FREM1: variants seen among roughly 807,000 people sequenced by gnomAD.
The protein encoded by FREM1 is FRAS1 related extracellular matrix 1, also known as FRAS1-related extracellular matrix protein 1.
FREM1 carries 220 observed loss-of-function variants against 210.1 expected under a neutral mutation model. The ratio of observed to expected loss-of-function variants is 1.05; its 90% confidence interval spans 0.94 to 1.17. FREM1 has a LOEUF of 1.17. Ranked by LOEUF, FREM1 falls within the 50% of genes most tolerant of loss-of-function variation. FREM1 has a pLI of 0.00. For synonymous variants in FREM1, 1,189 were observed against 980.2 expected (o/e 1.21, Z -3.98); for missense variants, 3,454 against 2,675.5 (o/e 1.29, Z -6.42).
At chr9:14,777,525 A>G (rs562048672) in intron 24 of FREM1, among the ~76,000 whole-genome samples, 10 of 152,172 alleles carry the variant, frequency 6.6e-5, no homozygotes, top group African/African-American at 2.4e-4. Context: ...TAGAGGATGC[A>G]CTCTTCTATT....
Position 14,813,013 on chromosome 9 carries a change from C to G in FREM1, c.2692G>C (p.Val898Leu), listed in dbSNP as rs879532990. The change falls in exon 16 of 37, where the codon GTC (valine) becomes CTC (leucine). Residue 898 changes from valine to leucine, a missense_variant. By Grantham distance (32) the Val-to-Leu change is conservative. Coordinates refer to ENST00000380880, the MANE Select transcript of FREM1 (RefSeq NM_001379081.2). ...TCTCCTCCCTCTGAGCAATTCATGA[C>G]AGGCATGAGGTCAGCCTTTAAGACT... ...PPVLKADLMP[V>L]MNCSEGGEVV... 3.1e-6 allele frequency: 5 copies of G among 1,613,878 alleles called. No homozygotes were observed. The Admixed American group carries it at 8.3e-5, about 27-fold the overall frequency.
At chr9:14,831,364 C>G (rs1823526193) in intron 10 of FREM1, among the ~76,000 whole-genome samples, 2 of 152,186 alleles carry the variant, frequency 1.3e-5, no homozygotes, top group South Asian at 4.1e-4. Context: ...ACTTCTCTGG[C>G]GAGCACATGG....
rs1297724522 is a variant in FREM1, at chr9:14,861,167, ATG to A, written c.330-1685_330-1684del. 1.4e-3 allele frequency among the ~76,000 whole-genome samples: 176 copies of A among 129,352 alleles called. 3 individuals are homozygous for A. The highest frequency in any genetic ancestry group is 4.4e-3 in the Middle Eastern group (1 of 226). The allele number at this position is 129,352 out of a possible 152,430, so 84.9% of individuals were successfully genotyped here. ...TATACACATATATACGTATATACAC[ATG>A]TATGTACATATATACACATATATAC... On this transcript the variant is annotated intron_variant, in intron 3 of 36. Transcript: ENST00000380880.
intron 22 of FREM1, chr9:14,790,903 TTGAAA>T (rs950486972): frequency 4.6e-5 from 7 of 152,306 alleles, no homozygotes; most frequent in African/African-American, 1.7e-4. Context: ...TCATTACTCT[TTGAAA>T]TGAAATAAGG....
At position 14,747,420 on chromosome 9, in the gene FREM1, C is replaced by A. The variant is rs1156537159; in HGVS notation, c.5853G>T (p.Gly1951=). ...NGTDIIYNYH[G]IVSLKLEDDS... is the part of the protein sequence containing the mutation. ...CATCCTCCAGTTTCAAGGAAACTAT[C>A]CCATGATACTTGAGGAAACCAACAA... is the stretch of plus-strand genomic sequence containing the variant. Residue 1951 remains glycine, a synonymous_variant, in exon 33 of 37, where the codon GGG becomes GGT. Coordinates refer to ENST00000380880, the MANE Select transcript of FREM1 (RefSeq NM_001379081.2). 1 of 1,613,024 alleles carries A rather than the reference C, an allele frequency of 6.2e-7. No homozygotes were observed. Among genetic ancestry groups the A allele is most frequent in the Non-Finnish European group, 8.5e-7 (1 of 1,179,362 alleles).
chr9:14,743,313 A>T (rs1330581147), intron 35 of FREM1, among the ~76,000 whole-genome samples: 1 of 152,116 alleles, frequency 6.6e-6, no homozygotes, highest in Admixed American at 6.6e-5. Context: ...AATAGAACCT[A>T]GTCACAATTA....
chr9:14,820,661 T>C (rs1299117210), intron 13 of FREM1, among the ~76,000 whole-genome samples: 4 of 152,196 alleles, frequency 2.6e-5, no homozygotes, highest in Non-Finnish European at 2.9e-5. Flanking sequence ...CCTTGCATCA[T>C]GGAAATTATG....
intron 27 of FREM1, among the ~76,000 whole-genome samples, chr9:14,768,561 C>T (rs1325567606): frequency 1.3e-5 from 2 of 152,038 alleles, no homozygotes; most frequent in Non-Finnish European, 2.9e-5. Context: ...GTGCACCTGG[C>T]ATATAGTAGC....
chr9:14,775,992 G>C lies in FREM1; in HGVS notation c.4654C>G (p.His1552Asp). 6.2e-7 allele frequency: 1 copy of C among 1,614,048 alleles called. No homozygotes were observed. The highest frequency in any genetic ancestry group is 2.2e-5 in the East Asian group (1 of 44,876). ...GTCCCCCACAGGTAGAGCTGGCCAT[G>C]CTGGGGGAGCTGAACCAAGAGGAAG... ...LTFLLVQLPQ[H>D]GQLYLWGTGL... The change falls in exon 25 of 37, where the codon CAT becomes GAT. Residue 1552 changes from histidine to aspartate, a missense_variant. Physicochemically the swap from His to Asp is moderately conservative, Grantham distance 81. Transcript: ENST00000380880.
chr9:14,748,681 C>T (rs367580218), intron 30 of FREM1, 42 bp from the exon 31 acceptor site: 81 of 1,283,138 alleles, frequency 6.3e-5, no homozygotes, highest in Non-Finnish European at 8.6e-5. Context: ...TCATTTTACA[C>T]AAACAGATAA....
Position 14,836,998 on chromosome 9 carries a change from T to G in FREM1, c.1881+4449A>C, listed in dbSNP as rs1328712263. On this transcript the variant is annotated intron_variant, in intron 10 of 36. Transcript: ENST00000380880. This position sits in a 1 kb window ranked among gnomAD's most constrained non-coding sequence, Gnocchi z 4.9. ...GAAAAGTTTCTTGTAAAGCCCCAGC[T>G]CTTAGTCAGGTGGGCAACCTTTGAT... is the stretch of plus-strand genomic sequence containing the variant. Among the ~76,000 whole-genome samples the G allele has an allele frequency of 1.3e-5, 2 of 152,214 alleles. No individual in the cohort carries two copies. Among genetic ancestry groups the G allele is most frequent in the African/African-American group, 2.4e-5 (1 of 41,440 alleles).
chr9:14,871,488 T>A (rs549953529), intron 1 of FREM1, among the ~76,000 whole-genome samples: 3 of 152,286 alleles, frequency 2.0e-5, no homozygotes, highest in African/African-American at 7.2e-5. Context: ...CTTCGCCCAC[T>A]TTTTGATGGG....
chr9:14,803,575 C>T (rs559451054), intron 19 of FREM1, among the ~76,000 whole-genome samples: 2 of 152,106 alleles, frequency 1.3e-5, no homozygotes, highest in South Asian at 4.2e-4. Context: ...TGCCACATTG[C>T]CCAGGCTGGT....
rs201393312 is a variant in FREM1 at position 14,846,024 on chromosome 9, G to A, written c.1329C>T (p.Asp443=). The change falls in exon 8 of 37, where the codon GAC becomes GAT. Residue 443 remains aspartate (D), a synonymous_variant. Transcript: ENST00000380880. The stretch of plus-strand genomic sequence containing the variant: ...TGACTAGCCGGACAGCACCAATGTC[G>A]TCATTGTCGACAACCTGAAACTGTT... The part of the protein sequence containing the change: ...TWEQFQVVDN[D]DIGAVRLVTV... 1.8e-4 allele frequency: 285 copies of A among 1,611,500 alleles called. No individual in the cohort carries two copies. The East Asian group carries it at 3.9e-3, about 22-fold the overall frequency.
chr9:14,823,404 T>A (rs1821740867), intron 12 of FREM1, 77 bp from the exon 13 acceptor site: 1 of 1,296,658 alleles, frequency 7.7e-7, no homozygotes, highest in Admixed American at 1.9e-5. Context: ...AAGAGAACCA[T>A]CATGTTAATT....
chr9:14,763,860 T>A (rs1845944243), intron 27 of FREM1, among the ~76,000 whole-genome samples: 1 of 152,114 alleles, frequency 6.6e-6, no homozygotes, highest in South Asian at 2.1e-4. Flanking sequence ...ATAACCCAGG[T>A]GTCTTGTAGA....
intron 34 of FREM1, 139 bp from the exon 35 acceptor site, chr9:14,746,607 C>A: frequency 1.5e-6 from 1 of 668,878 alleles, no homozygotes; most frequent in African/African-American, 1.8e-5. Flanking sequence ...AATCCCAATT[C>A]TCCATCTTGA....
At position 14,740,238 on chromosome 9, in the gene FREM1, A is replaced by C. The variant is rs75897613; in HGVS notation, c.6255-4T>G. On this transcript the variant is annotated splice_polypyrimidine_tract_variant and splice_region_variant and intron_variant, in intron 35 of 36. Transcript: ENST00000380880. ...AGTTACAAGGTTGCCCAGGTATCTA[A>C]ATGCAAATGAAAATGAGAGTATCAG... 4,967 of 1,606,086 alleles carry C rather than the reference A, an allele frequency of 3.1e-3. 151 individuals carry two copies. The African/African-American group carries it at 0.06, about 20-fold the overall frequency.
At chr9:14,750,069 G>C in intron 30 of FREM1, 58 bp downstream of exon 30, 1 of 1,568,476 alleles carries the variant, frequency 6.4e-7, no homozygotes, top group South Asian at 1.2e-5. Flanking sequence ...GGCTGTTGAA[G>C]GCAAGAGCTA....
Sources: gnomAD v4.1 joint callset for allele counts (sites outside exome capture counted in the v4.1 genomes callset) on GRCh38, gnomAD v4.1.1 for gene constraint, Gnocchi (gnomAD v3.1) non-coding constraint, MANE v1.5 for transcripts, NCBI Gene and HGNC (gene_info 2026-07-23, HGNC 2026-07-21) for gene names.